The following LAMB4 variants were observed in gnomAD, a reference collection of about 807,000 sequenced individuals.
The protein encoded by LAMB4 is laminin subunit beta-4.
Under a neutral mutation model 199.2 loss-of-function variants are expected in LAMB4, and 196 were observed. That is an observed-to-expected ratio of 0.98 (90% CI 0.88 to 1.11). The LOEUF (loss-of-function observed/expected upper bound fraction) is 1.11. LAMB4 is among the 50% of genes least tolerant of loss of function. The probability of loss-of-function intolerance (pLI) is 0.00; values close to 1 mark genes in which losing one functional copy is unlikely to be tolerated. For missense variants in LAMB4, 2,080 were observed against 2,171.2 expected (o/e 0.96, Z 0.83); for synonymous variants, 744 against 770.6 (o/e 0.97, Z 0.57).
chr7:108,052,306 T>C, intron 25 of LAMB4, 49 bp from the exon 26 acceptor site: 1 of 1,415,126 alleles, frequency 7.1e-7, no homozygotes, highest in African/African-American at 1.4e-5. Flanking sequence ...TTACATTTGA[T>C]ATATTGGTGA....
In LAMB4 at chr7:108,091,673, G is replaced by T. The variant is rs2037409088; in HGVS notation, c.1654C>A (p.Leu552Ile). Residue 552 changes from leucine to isoleucine, a missense_variant, in exon 14 of 34, where the codon CTC becomes ATC. By Grantham distance (5) the Leu-to-Ile change is conservative. Transcript: ENST00000388781. Reference protein sequence around the residue: ...GYFFAPLNFYLYEAEEATTLQ... With the variant: ...GYFFAPLNFYIYEAEEATTLQ... ...GTTGTGGCTTCCTCTGCCTCGTAGA[G>T]ATAGAAATTCAAAGGAGCAAAGAAG... 1 of 1,614,100 alleles carries T rather than the reference G, an allele frequency of 6.2e-7. No individual in the cohort carries two copies. Among genetic ancestry groups the T allele is most frequent in the Non-Finnish European group, 8.5e-7 (1 of 1,180,038 alleles).
chr7:108,059,530 G>A (rs1219709231), intron 23 of LAMB4, among the ~76,000 whole-genome samples: 7 of 152,080 alleles, frequency 4.6e-5, no homozygotes, highest in African/African-American at 1.4e-4. Context: ...CTTTGGGCAC[G>A]TACTAGTCTG....
chr7:108,123,632 A>T (rs993506928), intron 1 of LAMB4, among the ~76,000 whole-genome samples: 3 of 152,202 alleles, frequency 2.0e-5, no homozygotes, highest in Non-Finnish European at 4.4e-5. Flanking sequence ...GCACCACTGC[A>T]CTCCAGCGTG....
chr7:108,116,014 C>G lies in LAMB4; in HGVS notation c.182G>C (p.Ser61Thr). 1 of 1,611,620 alleles carries G rather than the reference C, an allele frequency of 6.2e-7. No individual in the cohort carries two copies. Among genetic ancestry groups the G allele is most frequent in the Non-Finnish European group, 8.5e-7 (1 of 1,178,478 alleles). ...LSRAQKYCIL[S>T]YLEGEQKCFI... ...AAAGAGCCAACCCACCTCCAGGTAACTGAGGATGCAGTATTTCTGGGCTCT... is the reference window on the plus strand; with the variant it reads ...AAAGAGCCAACCCACCTCCAGGTAAGTGAGGATGCAGTATTTCTGGGCTCT... The change falls in exon 3 of 34, where the codon AGT (serine) becomes ACT (threonine). Residue 61 changes from serine (S) to threonine (T), a missense_variant. By Grantham distance (58) the Ser-to-Thr change is moderately conservative. Coordinates refer to ENST00000388781, the MANE Select transcript of LAMB4 (RefSeq NM_007356.3).
intron 10 of LAMB4, 107 bp downstream of exon 10, chr7:108,102,937 G>T: frequency 2.3e-6 from 2 of 882,302 alleles, no homozygotes; most frequent in South Asian, 2.7e-5. Flanking sequence ...CCAAAATAGG[G>T]TAGTTTGGAG....
At chr7:108,072,714 G>A (rs73725319) in intron 17 of LAMB4, among the ~76,000 whole-genome samples, 21,515 of 151,962 alleles carry the variant, frequency 0.14, 2,340 homozygotes, top group African/African-American at 0.31. Flanking sequence ...TACATGTCTT[G>A]TTTACACCTA....
At chr7:108,041,318 C>T (rs1043954539) in intron 29 of LAMB4, among the ~76,000 whole-genome samples, 1 of 152,140 alleles carries the variant, frequency 6.6e-6, no homozygotes, top group African/African-American at 2.4e-5. Flanking sequence ...TTAATTCAAC[C>T]ATTGTGGAAA....
chr7:108,037,477 T>C lies in LAMB4; in HGVS notation c.4590A>G (p.Gln1530=). ...DELVKIQKHM[Q]LCEDYRTDEN... Reference sequence around the variant, plus strand: ...CATCTGTCCTGTAATCCTCACAGAGTTGCATATGTTTCTGTATTTTGACAA... The same window carrying C: ...CATCTGTCCTGTAATCCTCACAGAGCTGCATATGTTTCTGTATTTTGACAA... Residue 1530 remains glutamine, a synonymous_variant, in exon 30 of 34, where the codon CAA becomes CAG. Transcript: ENST00000388781. 2 of 1,614,066 alleles carry C rather than the reference T, an allele frequency of 1.2e-6. No individual in the cohort carries two copies. Among genetic ancestry groups the C allele is most frequent in the Non-Finnish European group, 1.7e-6 (2 of 1,179,952 alleles).
intron 30 of LAMB4, 126 bp downstream of exon 30, chr7:108,037,262 T>C (rs1340754807): frequency 1.4e-6 from 1 of 729,058 alleles, no homozygotes; most frequent in Non-Finnish European, 2.3e-6. Flanking sequence ...AGCCCTCAAC[T>C]TGGGCACTGA....
Position 108,123,184 on chromosome 7 carries a change from T to TA in LAMB4, c.-21dup. ...TTGCATTCTTTTGTCAGGAGATGATTAAATTCAATTCTACTGGGTTAAAAA... is the reference window on the plus strand; with the variant it reads ...TTGCATTCTTTTGTCAGGAGATGATTAAAATTCAATTCTACTGGGTTAAAAA... On this transcript the variant is annotated 5_prime_UTR_variant, in exon 2 of 34. Coordinates refer to ENST00000388781, the MANE Select transcript of LAMB4 (RefSeq NM_007356.3). 1.2e-6 allele frequency: 2 copies of TA among 1,601,570 alleles called. No homozygotes were observed. Among genetic ancestry groups the TA allele is most frequent in the Admixed American group, 3.5e-5 (2 of 57,960 alleles).
chr7:108,036,254 A>G (rs1345410665), intron 30 of LAMB4, among the ~76,000 whole-genome samples: 1 of 151,444 alleles, frequency 6.6e-6, no homozygotes, highest in African/African-American at 2.4e-5. Flanking sequence ...CAACGGCGCA[A>G]TCTTGGCTCA....
intron 10 of LAMB4, among the ~76,000 whole-genome samples, chr7:108,102,137 A>G (rs1333535832): frequency 6.6e-6 from 1 of 152,200 alleles, no homozygotes; most frequent in Non-Finnish European, 1.5e-5. Context: ...TAGATGCACA[A>G]GGTCACATAC....
At chr7:108,042,937 C>CTCTGTGTGTGTGTG (rs1554426273) in intron 29 of LAMB4, among the ~76,000 whole-genome samples, 1 of 140,392 alleles carries the variant, frequency 7.1e-6, no homozygotes, top group Non-Finnish European at 1.5e-5. Flanking sequence ...CTCTCAATCT[C>CTCTGTGTGTGTGTG]TGTGTGTGTG....
Position 108,030,443 on chromosome 7 carries a change from A to G in LAMB4, c.4992+363T>C, listed in dbSNP as rs555615246. Reference sequence around the variant, plus strand: ...GACTTTCATTTATTGTTTTCTTTATATGTTGTGTGACTGAATGAGAATAGA... The same window carrying G: ...GACTTTCATTTATTGTTTTCTTTATGTGTTGTGTGACTGAATGAGAATAGA... On this transcript the variant is annotated intron_variant, in intron 32 of 33. Transcript: ENST00000388781. Among the ~76,000 whole-genome samples, 10 of 152,274 alleles carry G rather than the reference A, an allele frequency of 6.6e-5. No individual in the cohort carries two copies. The South Asian group carries it at 2.1e-3, about 32-fold the overall frequency.
the LAMB4 span, among the ~76,000 whole-genome samples, chr7:108,018,528 G>A: frequency 3.9e-5 from 6 of 151,918 alleles, no homozygotes; most frequent in East Asian, 3.9e-4. Context: ...TCATGAGGTC[G>A]GGAGATCAAG....
In LAMB4 at chr7:108,087,706, T is replaced by C. The variant is rs761208316; in HGVS notation, c.1701+3920A>G. The stretch of plus-strand genomic sequence containing the variant: ...CCATCAGTGTGTCTTTCCTTCTCCA[T>C]GTAAGAGGAGAGCCACTCCTCAGCA... On this transcript the variant is annotated intron_variant, in intron 14 of 33. Coordinates refer to ENST00000388781, the MANE Select transcript of LAMB4 (RefSeq NM_007356.3). 3.4e-5 allele frequency among the ~76,000 whole-genome samples: 5 copies of C among 149,180 alleles called. No individual in the cohort carries two copies. In the South Asian group the frequency reaches 1.1e-3, roughly 32 times the overall value.
Position 108,062,792 on chromosome 7 carries a change from T to G in LAMB4, c.3264A>C (p.Gln1088His). 6.9e-7 allele frequency: 1 copy of G among 1,440,368 alleles called. No homozygotes were observed. 89.2% of individuals were successfully genotyped at this position (1,440,368 alleles called of 1,614,324 possible). Residue 1088 changes from glutamine (Q) to histidine (H), a missense_variant, in exon 23 of 34, where the codon CAA (glutamine) becomes CAC (histidine). Gln to His is a conservative substitution (Grantham distance 24). Transcript: ENST00000388781. The stretch of plus-strand genomic sequence containing the variant: ...ATCTTGCCTGGTCACAGTGGCTACT[T>G]TGAGAGGTCCTAGGGTCACAGTCAC... ...QSCDCDPRTS[Q>H]SSHCDQLTGQ...
intron 28 of LAMB4, among the ~76,000 whole-genome samples, chr7:108,045,666 C>T (rs1427794107): frequency 6.6e-6 from 1 of 152,140 alleles, no homozygotes; most frequent in African/African-American, 2.4e-5. Flanking sequence ...TTTAAAATTA[C>T]ATTAAACAAT....
chr7:108,085,360 T>C (rs1241360288), intron 14 of LAMB4, among the ~76,000 whole-genome samples: 1 of 152,172 alleles, frequency 6.6e-6, no homozygotes, highest in East Asian at 1.9e-4. Context: ...AGTTGAAATG[T>C]TCTTATGTTT....
Sources: allele counts gnomAD v4.1 joint callset (sites outside exome capture counted in the v4.1 genomes callset), GRCh38; gene constraint gnomAD v4.1.1; transcripts MANE v1.5; gene names NCBI Gene and HGNC (gene_info 2026-07-23, HGNC 2026-07-21).